Variants in WDR27 observed in about 807,000 individuals in gnomAD.
The protein encoded by WDR27 is WD repeat-containing protein 27.
WDR27 carries 100 observed loss-of-function variants against 114.4 expected under a neutral mutation model. The ratio of observed to expected loss-of-function variants is 0.87; its 90% CI spans 0.74 to 1.03. The LOEUF (loss-of-function observed/expected upper bound fraction) is 1.03, where lower values mean the gene tolerates loss of function less well. Ranked by LOEUF, WDR27 falls within the 50% of genes least tolerant of loss-of-function variation. The pLI is 0.00. For synonymous variants in WDR27, 449 were observed against 423.1 expected (o/e 1.06, Z -0.75); for missense variants, 1,129 against 1,092.9 (o/e 1.03, Z -0.47).
intron 10 of WDR27, among the ~76,000 whole-genome samples, chr6:169,660,225 C>G (rs905476480): frequency 6.6e-5 from 10 of 151,662 alleles, no homozygotes; most frequent in African/African-American, 2.4e-4. Flanking sequence ...GTGACTATTC[C>G]TACATTTCTG....
chr6:169,639,206 T>TGGGTACTGCGTGGTGCC (rs1562778734), intron 17 of WDR27, among the ~76,000 whole-genome samples: 3 of 151,354 alleles, frequency 2.0e-5, no homozygotes, highest in East Asian at 1.9e-4. Context: ...TGCGTGGTGC[T>TGGGTACTGCGTGGTGCC]GGGTACTGCG....
intron 23 of WDR27, among the ~76,000 whole-genome samples, chr6:169,590,940 T>C (rs1805638696): frequency 6.6e-6 from 1 of 152,196 alleles, no homozygotes; most frequent in Non-Finnish European, 1.5e-5. Context: ...AGTGCTGCAA[T>C]GGCCATGGAA....
chr6:169,565,808 C>T lies in WDR27; in HGVS notation c.2645+6611G>A, dbSNP rs1270799735. On this transcript the variant is annotated intron_variant, in intron 25 of 25. Transcript: ENST00000448612. ...CTGGGACTACAGGCATGAGCCACCA[C>T]ACGCAGCTGATTTTTCATTTTTGTA... is the stretch of plus-strand genomic sequence containing the variant. 3.3e-5 allele frequency among the ~76,000 whole-genome samples: 5 copies of T among 152,362 alleles called. No homozygotes were observed. The East Asian group carries it at 9.6e-4, about 29-fold the overall frequency.
chr6:169,682,944 T>A (rs1382861752), intron 2 of WDR27, among the ~76,000 whole-genome samples: 1 of 151,976 alleles, frequency 6.6e-6, no homozygotes, highest in Non-Finnish European at 1.5e-5. Context: ...ATAGATAGCA[T>A]CAACCACAGA....
intron 4 of WDR27, chr6:169,668,509 C>T (rs892054534): frequency 8.3e-5 from 20 of 240,282 alleles, no homozygotes; most frequent in East Asian, 7.3e-4. Context: ...CAAGACGGTG[C>T]GGCAATAGGC....
intron 25 of WDR27, among the ~76,000 whole-genome samples, chr6:169,568,491 A>T (rs1419284641): frequency 6.6e-6 from 1 of 152,174 alleles, no homozygotes; most frequent in Admixed American, 6.5e-5. Flanking sequence ...CACTACTTCA[A>T]GTCACTAAGC....
At chr6:169,559,374 T>A (rs1266464986) in intron 25 of WDR27, 1 of 151,184 alleles carries the variant, frequency 6.6e-6, no homozygotes. Flanking sequence ...TCCTTAGGCA[T>A]GAAATTAACT....
At chr6:169,662,920 T>C (rs978684619) in intron 8 of WDR27, among the ~76,000 whole-genome samples, 1 of 146,220 alleles carries the variant, frequency 6.8e-6, no homozygotes, top group Non-Finnish European at 1.5e-5. Flanking sequence ...ATGATGCGTG[T>C]GCACCGCGGA....
chr6:169,641,424 C>T (rs1246585142), intron 17 of WDR27, among the ~76,000 whole-genome samples: 1 of 152,176 alleles, frequency 6.6e-6, no homozygotes, highest in Non-Finnish European at 1.5e-5. Context: ...AGGCCTCCCT[C>T]CTCTTTTCAG....
At chr6:169,673,567 T>C (rs1779317575) in intron 2 of WDR27, among the ~76,000 whole-genome samples, 1 of 151,410 alleles carries the variant, frequency 6.6e-6, no homozygotes, top group African/African-American at 2.4e-5. Flanking sequence ...CTGAGGGAAG[T>C]GACCCCAGAT....
chr6:169,670,390 C>T, intron 4 of WDR27, 179 bp downstream of exon 4: 1 of 561,216 alleles, frequency 1.8e-6, no homozygotes, highest in Non-Finnish European at 3.0e-6. Flanking sequence ...TATCTGATAC[C>T]AGTGGTTTTC....
At chr6:169,693,707 T>C (rs148457599) in intron 1 of WDR27, among the ~76,000 whole-genome samples, 118 of 150,194 alleles carry the variant, frequency 7.9e-4, no homozygotes, top group African/African-American at 2.6e-3. Flanking sequence ...ACAAAACAAA[T>C]AGACTTGAAA....
chr6:169,473,711 G>A (rs996086548), intron 25 of WDR27, among the ~76,000 whole-genome samples: 1 of 151,978 alleles, frequency 6.6e-6, no homozygotes, highest in Admixed American at 6.6e-5. Flanking sequence ...AGCCATAGAT[G>A]CAAGAATCAC....
chr6:169,523,275 T>C lies in WDR27; in HGVS notation c.2645+49144A>G, dbSNP rs1794604434. On this transcript the variant is annotated intron_variant, in intron 25 of 25. Transcript: ENST00000448612. ...AAAACTTCAATAAACCAGTAATGAG[T>C]AATGAGATCAAAGCTGTAATAAAAA... Among the ~76,000 whole-genome samples, 3 of 152,050 alleles carry C rather than the reference T, an allele frequency of 2.0e-5. No homozygotes were observed. The South Asian group carries it at 6.2e-4, about 32-fold the overall frequency.
At chr6:169,610,957 G>A (rs1276223025) in intron 22 of WDR27, among the ~76,000 whole-genome samples, 1 of 152,236 alleles carries the variant, frequency 6.6e-6, no homozygotes, top group East Asian at 1.9e-4. Flanking sequence ...TATAGACTCA[G>A]GTGGCAGGTG....
intron 13 of WDR27, 172 bp downstream of exon 13, chr6:169,658,104 C>T (rs1024006766): frequency 5.2e-6 from 3 of 578,838 alleles, no homozygotes; most frequent in African/African-American, 1.8e-5. Flanking sequence ...AGTTCCCCAC[C>T]ACAGCGGACA....
At chr6:169,495,472 T>C (rs1226870406) in intron 25 of WDR27, among the ~76,000 whole-genome samples, 3 of 151,212 alleles carry the variant, frequency 2.0e-5, no homozygotes, top group South Asian at 4.2e-4. Flanking sequence ...ATAAAGAAGA[T>C]ATAAACCATT....
chr6:169,523,866 C>T (rs1407755473), intron 25 of WDR27, among the ~76,000 whole-genome samples: 1 of 152,138 alleles, frequency 6.6e-6, no homozygotes, highest in African/African-American at 2.4e-5. Flanking sequence ...AAACCCTTTC[C>T]TCTAAGATTT....
chr6:169,665,280 G>C, intron 7 of WDR27: 3 of 1,342,150 alleles, frequency 2.2e-6, no homozygotes, highest in African/African-American at 1.5e-5. Context: ...TGCAGACCCA[G>C]CTCCTCCGCA....
Sources: allele counts gnomAD v4.1 joint callset (sites outside exome capture counted in the v4.1 genomes callset), GRCh38; gene constraint gnomAD v4.1.1; transcripts MANE v1.5; gene names NCBI Gene and HGNC (gene_info 2026-07-23, HGNC 2026-07-21).